Variants in UBE2S observed in about 807,000 individuals in gnomAD.
UBE2S encodes ubiquitin-conjugating enzyme E2 S.
A neutral mutation model predicts 12.3 loss-of-function variants in UBE2S; 3 were observed. That is an observed-to-expected ratio of 0.24 (90% CI 0.11 to 0.63). The LOEUF is 0.63. Ranked by LOEUF, UBE2S falls within the 30% of genes least tolerant of loss-of-function variation. The probability of loss-of-function intolerance (pLI) is 0.85; values close to 1 mark genes in which losing one functional copy is unlikely to be tolerated. For synonymous variants in UBE2S, 133 were observed against 142.0 expected (o/e 0.94, Z 0.45); for missense variants, 211 against 313.9 (o/e 0.67, Z 2.48).
chr19:55,402,059 C>T (rs963268702), intron 3 of UBE2S, among the ~76,000 whole-genome samples: 1 of 152,192 alleles, frequency 6.6e-6, no homozygotes, highest in Non-Finnish European at 1.5e-5. Flanking sequence ...AACGCCAAGG[C>T]CCCCTCTCAG....
rs2090059827 is a variant in UBE2S, at chr19:55,401,658, A to G, written c.447T>C (p.Arg149=). Residue 149 remains arginine, a synonymous_variant, in exon 4 of 4, where the codon CGT becomes CGC. Transcript: ENST00000264552. ...ENYEEYAARA[R]LLTEIHGGAG... ...CGCCCCCGTGGATCTCTGTGAGCAGACGGGCCCGAGCCGCATACTCCTCGT... is the reference window on the plus strand; with the variant it reads ...CGCCCCCGTGGATCTCTGTGAGCAGGCGGGCCCGAGCCGCATACTCCTCGT... The G allele has an allele frequency of 6.2e-7, 1 of 1,610,086 alleles. No individual in the cohort carries two copies. The highest frequency in any genetic ancestry group is 8.5e-7 in the Non-Finnish European group (1 of 1,178,880).
In UBE2S at chr19:55,401,701, C is replaced by T. The variant is rs762293175; in HGVS notation, c.404G>A (p.Arg135His). 8 of 1,613,008 alleles carry T rather than the reference C, an allele frequency of 5.0e-6. No homozygotes were observed. The highest frequency in any genetic ancestry group is 1.1e-5 in the South Asian group (1 of 91,068). ...CTCCTCGTAGTTCTCCAAGAGCAGG[C>T]GGCCCGCCTCCTCGTTGAGTGCAGA... ...PESALNEEAG[R>H]LLLENYEEYA... Residue 135 changes from arginine to histidine, a missense_variant, in exon 4 of 4, where the codon CGC (arginine) becomes CAC (histidine). Transcript: ENST00000264552.
In UBE2S at chr19:55,404,475, C is replaced by T. The variant is rs2090083578; in HGVS notation, c.155G>A (p.Gly52Glu). 6.2e-7 allele frequency: 1 copy of T among 1,605,270 alleles called. No homozygotes were observed. The highest frequency in any genetic ancestry group is 1.3e-5 in the African/African-American group (1 of 74,920). The change falls in exon 3 of 4, where the codon GGG (glycine) becomes GAG (glutamate). Residue 52 changes from glycine (G) to glutamate (E), a missense_variant. Around this residue, in one of 2 missense-constraint regions of UBE2S, gnomAD observed 127 missense variants for 224.0 expected, o/e 0.57. Coordinates refer to ENST00000264552, the MANE Select transcript of UBE2S (RefSeq NM_014501.3). The surrounding 1 kb of genome is among the most constrained non-coding windows in gnomAD (Gnocchi z 4.4). ...DLQVTIEGPE[G>E]TPYAGGLFRM... Reference sequence around the variant, plus strand: ...GAACAGACCTCCAGCATATGGGGTCCCCTCTGGAGTGGAGGGAGGGGTACA... The same window carrying T: ...GAACAGACCTCCAGCATATGGGGTCTCCTCTGGAGTGGAGGGAGGGGTACA...
Position 55,404,193 on chromosome 19 carries a change from T to G in UBE2S, c.342+95A>C. On this transcript the variant is annotated intron_variant, in intron 3 of 3. Coordinates refer to ENST00000264552, the MANE Select transcript of UBE2S (RefSeq NM_014501.3). This position sits in a 1 kb window ranked among gnomAD's most constrained non-coding sequence, Gnocchi z 4.4. ...GTGGAAACCTTCAACCACTTCAGAG[T>G]TGATTCAGAAAAACTAAACAAAGCG... 2 of 1,499,756 alleles carry G rather than the reference T, an allele frequency of 1.3e-6. No homozygotes were observed. Among genetic ancestry groups the G allele is most frequent in the Non-Finnish European group, 1.8e-6 (2 of 1,093,936 alleles). The allele number at this position is 1,499,756 out of a possible 1,614,324, so 92.9% of individuals were successfully genotyped here. A position where few individuals can be genotyped will look rare whatever the true frequency, so the allele number is the denominator to read the frequency against.
In UBE2S at chr19:55,406,926, G is replaced by A. The variant is rs374069290; in HGVS notation, c.40C>T (p.Arg14Cys). The A allele has an allele frequency of 1.2e-6, 2 of 1,613,852 alleles. No homozygotes were observed. Among genetic ancestry groups the A allele is most frequent in the East Asian group, 4.5e-5 (2 of 44,870 alleles). ...GTCGTCACCTCCTTGTACACCAGGC[G>A]GATGATGTGCGGGGGTAGGTTCTCC... is the stretch of plus-strand genomic sequence containing the variant. ...NVENLPPHII[R>C]LVYKEVTTLT... Residue 14 changes from arginine to cysteine, a missense_variant, in exon 2 of 4, where the codon CGC becomes TGC. Physicochemically the swap from Arg to Cys is radical, Grantham distance 180 (BLOSUM62 -3). This residue lies in a region of UBE2S where 127 missense variants were observed against 224.0 expected (regional missense o/e 0.57). Coordinates refer to ENST00000264552, the MANE Select transcript of UBE2S (RefSeq NM_014501.3).
intron 1 of UBE2S, 148 bp downstream of exon 1, chr19:55,407,439 G>T: frequency 2.3e-6 from 2 of 858,012 alleles, no homozygotes; most frequent in South Asian, 2.0e-5. Flanking sequence ...CTCCGCCTGC[G>T]GGAAGGCCCT....
rs2090098928 is a variant in UBE2S at position 55,406,805 on chromosome 19, C to T, written c.151+10G>A. On this transcript the variant is annotated intron_variant, in intron 2 of 3. Transcript: ENST00000264552. ...GCAGCAGCCCCTTCTCTTTTTCCTT[C>T]CAAACTCACCAGGGCCCTCGATGGT... is the stretch of plus-strand genomic sequence containing the variant. 6.2e-7 allele frequency: 1 copy of T among 1,607,012 alleles called. No homozygotes were observed. The highest frequency in any genetic ancestry group is 8.5e-7 in the Non-Finnish European group (1 of 1,176,940).
In UBE2S at chr19:55,401,777, T is replaced by C; in HGVS notation, c.343-15A>G. On this transcript the variant is annotated splice_polypyrimidine_tract_variant and intron_variant, in intron 3 of 3. Transcript: ENST00000264552. ...CACTTGATGGTCTGTGGGAAGAGGC[T>C]CAGGGTCACAGTGGGTCGGGCAACC... 1 of 1,612,898 alleles carries C rather than the reference T, an allele frequency of 6.2e-7. No individual in the cohort carries two copies. Among genetic ancestry groups the C allele is most frequent in the Non-Finnish European group, 8.5e-7 (1 of 1,179,992 alleles).
chr19:55,403,096 C>A, intron 3 of UBE2S: 1 of 1,034,020 alleles, frequency 9.7e-7, no homozygotes, highest in Non-Finnish European at 1.5e-6. Flanking sequence ...CCTTGGCCTC[C>A]ACCCACTAGA....
At position 55,404,808 on chromosome 19, in the gene UBE2S, G is replaced by T. The variant is rs982644389; in HGVS notation, c.152-330C>A. ...TTAAGAGATAGGGTCTCACTATGTT[G>T]CCCAAGCTGGTCTTGCACTCCTAGG... On this transcript the variant is annotated intron_variant, in intron 2 of 3. Transcript: ENST00000264552. This position sits in a 1 kb window ranked among gnomAD's most constrained non-coding sequence, Gnocchi z 4.4. 2.0e-5 allele frequency among the ~76,000 whole-genome samples: 3 copies of T among 152,028 alleles called. No individual in the cohort carries two copies. The highest frequency in any genetic ancestry group is 2.9e-5 in the Non-Finnish European group (2 of 67,996).
chr19:55,402,869 C>G, intron 3 of UBE2S: 3 of 1,301,026 alleles, frequency 2.3e-6, no homozygotes, highest in Non-Finnish European at 3.1e-6. Context: ...TGGCAGGAAA[C>G]CCCAATTCCC....
Position 55,401,252 on chromosome 19 carries a change from C to T in UBE2S, c.*184G>A, listed in dbSNP as rs529789142. 152 of 710,758 alleles carry T rather than the reference C, an allele frequency of 2.1e-4. 1 individual carries two copies. Among genetic ancestry groups the T allele is most frequent in the South Asian group, 1.5e-3 (77 of 52,206 alleles). 44.0% of individuals were successfully genotyped at this position (710,758 alleles called of 1,614,324 possible). On this transcript the variant is annotated 3_prime_UTR_variant, in exon 4 of 4. Transcript: ENST00000264552. ...CCCAGAGCCACATGGCACCATGCAG[C>T]GGTCCTGGGGCATCTGTGAGACACA...
In UBE2S at chr19:55,400,397, C is replaced by A. The variant is rs1347744506; in HGVS notation, c.*1039G>T. 2 of 152,122 alleles carry A rather than the reference C, an allele frequency of 1.3e-5. No individual in the cohort carries two copies. The highest frequency in any genetic ancestry group is 1.5e-5 in the Non-Finnish European group (1 of 68,040). The allele number at this position is 152,122 out of a possible 1,614,324, so 9.4% of individuals were successfully genotyped here. On this transcript the variant is annotated 3_prime_UTR_variant, in exon 4 of 4. Transcript: ENST00000264552. ...TAATAGAATGGGAAGTTTCCCCACC[C>A]CCTGGTGTGCACACCCAGGTTAATC...
In UBE2S at chr19:55,400,785, ATC is replaced by A. The variant is rs2090051375; in HGVS notation, c.*649_*650del. 6.6e-6 allele frequency: 1 copy of A among 152,420 alleles called. No individual in the cohort carries two copies. The highest frequency in any genetic ancestry group is 2.4e-5 in the African/African-American group (1 of 41,466). The allele number at this position is 152,420 out of a possible 1,614,324, so 9.4% of individuals were successfully genotyped here. ...GTTGTTTTAAGCCGCTGGCTTTGTGATCTGTTGTGCAGAAATACATGTGGGAA... is the reference window on the plus strand; with the variant it reads ...GTTGTTTTAAGCCGCTGGCTTTGTGATGTTGTGCAGAAATACATGTGGGAA... On this transcript the variant is annotated 3_prime_UTR_variant, in exon 4 of 4. Transcript: ENST00000264552.
chr19:55,401,456 G>A lies in UBE2S; in HGVS notation c.649C>T (p.Arg217Trp), dbSNP rs528548172. The A allele has an allele frequency of 1.4e-5, 22 of 1,605,656 alleles. No homozygotes were observed. The highest frequency in any genetic ancestry group is 1.6e-5 in the Non-Finnish European group (19 of 1,179,236). Reference sequence around the variant, plus strand: ...GCCCACTACAGCCGCCGCAGCGCCCGCTTCTTGTCCGTCTTTTTCTTGGCC... The same window carrying A: ...GCCCACTACAGCCGCCGCAGCGCCCACTTCTTGTCCGTCTTTTTCTTGGCC... Reference protein sequence around the residue: ...LAAKKKTDKKRALRRL With the variant: ...LAAKKKTDKKWALRRL Residue 217 changes from arginine to tryptophan, a missense_variant, in exon 4 of 4, where the codon CGG (arginine) becomes TGG (tryptophan). This residue lies in a region of UBE2S where 84 missense variants were observed against 89.9 expected (regional missense o/e 0.93). Transcript: ENST00000264552.
Position 55,401,151 on chromosome 19 carries a change from G to A in UBE2S, c.*285C>T. The stretch of plus-strand genomic sequence containing the variant: ...GACCCAAACCTCAAACAGCAAGGCT[G>A]GTGAGCTAGATGGACCCACTGCTGC... On this transcript the variant is annotated 3_prime_UTR_variant, in exon 4 of 4. Transcript: ENST00000264552. 1 of 492,928 alleles carries A rather than the reference G, an allele frequency of 2.0e-6. No homozygotes were observed. Among genetic ancestry groups the A allele is most frequent in the Non-Finnish European group, 3.6e-6 (1 of 278,630 alleles). The allele number at this position is 492,928 out of a possible 1,614,324, so 30.5% of individuals were successfully genotyped here. A position where few individuals can be genotyped will look rare whatever the true frequency, so the allele number is the denominator to read the frequency against.
At chr19:55,406,545 C>A (rs944647822) in intron 2 of UBE2S, among the ~76,000 whole-genome samples, 1 of 152,182 alleles carries the variant, frequency 6.6e-6, no homozygotes, top group Non-Finnish European at 1.5e-5. Flanking sequence ...TTCCTACCCA[C>A]CCTCAGGTCC....
intron 1 of UBE2S, among the ~76,000 whole-genome samples, chr19:55,407,372 C>T (rs1029222343): frequency 3.9e-5 from 6 of 152,180 alleles, no homozygotes; most frequent in African/African-American, 1.4e-4. Context: ...CATGGGCGGG[C>T]CGCAAAGCGC....
At chr19:55,402,323 C>T (rs2090065923) in intron 3 of UBE2S, among the ~76,000 whole-genome samples, 1 of 152,244 alleles carries the variant, frequency 6.6e-6, no homozygotes. Flanking sequence ...CCGAAGTTCA[C>T]AGCCTAAGAC....
Sources: gnomAD v4.1 joint callset for allele counts (sites outside exome capture counted in the v4.1 genomes callset) on GRCh38, gnomAD v4.1.1 for gene constraint, gnomAD v4.1.1 regional missense constraint, Gnocchi (gnomAD v3.1) non-coding constraint, MANE v1.5 for transcripts, NCBI Gene and HGNC (gene_info 2026-07-23, HGNC 2026-07-21) for gene names.